Variants in TPRX1 observed in about 807,000 individuals in gnomAD.
TPRX1 encodes tetrapeptide repeat homeobox 1.
Under a neutral mutation model 8.1 loss-of-function variants are expected in TPRX1, and 2 were observed. The ratio of observed to expected loss-of-function variants is 0.25; its 90% CI spans 0.10 to 0.78. The LOEUF is 0.78. TPRX1 is among the 30% of genes least tolerant of loss of function. The pLI, the probability that TPRX1 is intolerant of heterozygous loss-of-function variation, is 0.70. For synonymous variants in TPRX1, 257 were observed against 254.1 expected (o/e 1.01, Z -0.11); for missense variants, 517 against 586.9 (o/e 0.88, Z 1.23).
At chr19:47,817,716 G>A (rs1270258327) in intron 2 of TPRX1, among the ~76,000 whole-genome samples, 1 of 152,194 alleles carries the variant, frequency 6.6e-6, no homozygotes. Context: ...GTGACAGCTT[G>A]TCACTGTATC....
intron 2 of TPRX1, among the ~76,000 whole-genome samples, chr19:47,804,257 G>C (rs1967713107): frequency 1.3e-5 from 2 of 151,542 alleles, no homozygotes; most frequent in South Asian, 4.2e-4. Flanking sequence ...TCTCCACTAT[G>C]TTGGCTCGGC....
At chr19:47,815,164 T>TATATATGCAAATATATATATATATA (rs1228376903) in intron 2 of TPRX1, among the ~76,000 whole-genome samples, 1 of 49,910 alleles carries the variant, frequency 2.0e-5, no homozygotes, top group Non-Finnish European at 4.2e-5. Context: ...ATATATATAT[T>TATATATGCAAATATATATATATATA]TTTTTTTTTT....
intron 2 of TPRX1, among the ~76,000 whole-genome samples, chr19:47,813,790 GCTGGC>G (rs1220795996): frequency 1.3e-5 from 2 of 151,998 alleles, no homozygotes; most frequent in African/African-American, 4.8e-5. Flanking sequence ...CTCTGCTGAG[GCTGGC>G]CTGGCCTGGC....
At chr19:47,812,023 C>T (rs934958363) in intron 2 of TPRX1, among the ~76,000 whole-genome samples, 23 of 151,718 alleles carry the variant, frequency 1.5e-4, no homozygotes, top group African/African-American at 3.4e-4. Flanking sequence ...CCTGCCACCA[C>T]GCCCGGCTAA....
chr19:47,813,029 C>T (rs1599955693), intron 2 of TPRX1, among the ~76,000 whole-genome samples: 1 of 151,764 alleles, frequency 6.6e-6, no homozygotes, highest in African/African-American at 2.4e-5. Context: ...ATCGCTTGAA[C>T]CCAGGAGGTG....
intron 3 of TPRX1, among the ~76,000 whole-genome samples, chr19:47,803,298 G>C (rs914318166): frequency 3.3e-5 from 5 of 151,846 alleles, no homozygotes; most frequent in African/African-American, 1.2e-4. Context: ...AGACCCCGTG[G>C]GGGACAGCCT....
intron 2 of TPRX1, among the ~76,000 whole-genome samples, chr19:47,815,821 AT>A (rs925632170): frequency 5.3e-5 from 8 of 151,874 alleles, no homozygotes; most frequent in Non-Finnish European, 8.8e-5. Context: ...CAAAAAAAAA[AT>A]GTAAAAGAAA....
At chr19:47,810,809 G>A (rs932508222) in intron 2 of TPRX1, among the ~76,000 whole-genome samples, 1 of 151,892 alleles carries the variant, frequency 6.6e-6, no homozygotes, top group African/African-American at 2.4e-5. Flanking sequence ...GGTTCAGGAG[G>A]GGCACATGGG....
At chr19:47,807,538 A>T (rs1445978122) in intron 2 of TPRX1, among the ~76,000 whole-genome samples, 3 of 150,806 alleles carry the variant, frequency 2.0e-5, no homozygotes, top group Admixed American at 6.6e-5. Flanking sequence ...CCAGTAAAAA[A>T]TTTTTTCTAT....
intron 2 of TPRX1, among the ~76,000 whole-genome samples, 104 bp from the exon 1 acceptor site, chr19:47,804,655 C>T (rs1230668022): frequency 6.6e-6 from 1 of 152,052 alleles, no homozygotes; most frequent in Non-Finnish European, 1.5e-5. Flanking sequence ...CCTTTCCCAC[C>T]CTGCCCTGCA....
At position 47,805,512 on chromosome 19, in the gene TPRX1, C is replaced by T. The variant is rs560675555; in HGVS notation, c.152-1839G>A. Among the ~76,000 whole-genome samples, 60 of 152,236 alleles carry T rather than the reference C, an allele frequency of 3.9e-4. 1 individual carries two copies. The highest frequency in any genetic ancestry group is 1.0e-3 in the African/African-American group (42 of 41,546). On this transcript the variant is annotated intron_variant, in intron 2 of 3. Coordinates refer to ENST00000535759, the Ensembl canonical transcript of TPRX1. The stretch of plus-strand genomic sequence containing the variant: ...CCTCATTTCCCCATGGCAGGACCCA[C>T]GTGGGTTCAGGGATTAGAGAGATTG...
intron 2 of TPRX1, among the ~76,000 whole-genome samples, chr19:47,813,171 G>A (rs1018568015): frequency 3.4e-5 from 4 of 118,354 alleles, no homozygotes; most frequent in Non-Finnish European, 3.6e-5. Context: ...CCCCCACCCC[G>A]CCAAAATTAG....
At chr19:47,811,643 C>A (rs991163317) in intron 2 of TPRX1, among the ~76,000 whole-genome samples, 1 of 151,740 alleles carries the variant, frequency 6.6e-6, no homozygotes, top group Non-Finnish European at 1.5e-5. Flanking sequence ...GGACTACAGT[C>A]ATGCGCCACC....
At chr19:47,802,638 CTGGGCCTGGAAT>C (rs750963424) in exon 4 of TPRX1, 95 of 1,549,092 alleles carry the variant, frequency 6.1e-5, no homozygotes, top group African/African-American at 6.0e-4. Flanking sequence ...GGGATCTGAG[CTGGGCCTGGAAT>C]TGGGCCTGGA....
chr19:47,817,646 C>T (rs1160663441), intron 2 of TPRX1, among the ~76,000 whole-genome samples: 1 of 152,144 alleles, frequency 6.6e-6, no homozygotes, highest in African/African-American at 2.4e-5. Context: ...GCCTGGGATT[C>T]CTAGAAGATG....
exon 4 of TPRX1, chr19:47,802,607 A>T: frequency 6.5e-7 from 1 of 1,547,632 alleles, no homozygotes; most frequent in Non-Finnish European, 8.7e-7. Context: ...TGGGCCTGGG[A>T]TTGGGGCTGG....
exon 4 of TPRX1, chr19:47,802,941 G>T: frequency 6.4e-7 from 1 of 1,552,244 alleles, no homozygotes; most frequent in South Asian, 1.2e-5. Flanking sequence ...TGGAGCCGCC[G>T]CTCCCGAGCT....
chr19:47,813,373 C>T (rs574250272), intron 2 of TPRX1, among the ~76,000 whole-genome samples: 3 of 151,876 alleles, frequency 2.0e-5, no homozygotes, highest in African/African-American at 7.3e-5. Context: ...CACGACCCCC[C>T]CAAAACACAC....
chr19:47,802,902 T>C, exon 4 of TPRX1: 1 of 1,571,608 alleles, frequency 6.4e-7, no homozygotes. Flanking sequence ...CCTCGGCCTC[T>C]CTGCCCAGGG....
Sources: allele counts gnomAD v4.1 joint callset (sites outside exome capture counted in the v4.1 genomes callset), GRCh38; gene constraint gnomAD v4.1.1; transcripts MANE v1.5; gene names NCBI Gene and HGNC (gene_info 2026-07-23, HGNC 2026-07-21).